The following SDHC variants were observed in gnomAD, a reference collection of about 807,000 sequenced individuals.
SDHC encodes the protein succinate dehydrogenase cytochrome b560 subunit, mitochondrial.
Under a neutral mutation model 22.6 loss-of-function variants are expected in SDHC, and 11 were observed. That is an observed-to-expected ratio of 0.49 (90% CI 0.31 to 0.81). The LOEUF (loss-of-function observed/expected upper bound fraction) is 0.81, where lower values mean the gene tolerates loss of function less well. SDHC is among the 30% of genes least tolerant of loss of function. The pLI is 0.05. For missense variants in SDHC, 160 were observed against 212.0 expected, an observed-to-expected ratio of 0.75 and a Z score of 1.52; for synonymous variants, 80 against 77.8, an observed-to-expected ratio of 1.03 and a Z score of -0.15.
intron 4 of SDHC, among the ~76,000 whole-genome samples, chr1:161,355,149 A>G (rs1672227378): frequency 6.6e-6 from 1 of 152,218 alleles, no homozygotes; most frequent in East Asian, 1.9e-4. Context: ...TCTTTCACAT[A>G]GGGAAATAAT....
intron 4 of SDHC, among the ~76,000 whole-genome samples, chr1:161,340,947 G>A (rs1001951071): frequency 2.0e-5 from 3 of 152,090 alleles, no homozygotes; most frequent in Admixed American, 6.5e-5. Context: ...GGGTTCCAGC[G>A]ATTCTCCTGC....
chr1:161,345,558 G>A (rs138282430), intron 4 of SDHC, among the ~76,000 whole-genome samples: 3,001 of 152,032 alleles, frequency 0.02, 77 homozygotes, highest in African/African-American at 0.065. Flanking sequence ...CCGGGTTCAC[G>A]CCATTCTCCT....
At position 161,363,116 on chromosome 1, in the gene SDHC, C is replaced by G. The variant is rs1368860425; in HGVS notation, c.*683C>G. 1.3e-5 allele frequency: 3 copies of G among 234,660 alleles called. No homozygotes were observed. The highest frequency in any genetic ancestry group is 2.5e-5 in the Non-Finnish European group (3 of 119,014). 14.5% of individuals were successfully genotyped at this position (234,660 alleles called of 1,614,324 possible). ...CTTTTTCTTGGATTTCCAGAAAAGC[C>G]TCTTAATTTTATGCTTTCTCATCGA... On this transcript the variant is annotated 3_prime_UTR_variant, in exon 6 of 6. Coordinates refer to ENST00000367975, the MANE Select transcript of SDHC (RefSeq NM_003001.5).
chr1:161,356,371 T>A (rs1672271727), intron 4 of SDHC, among the ~76,000 whole-genome samples: 1 of 152,108 alleles, frequency 6.6e-6, no homozygotes, highest in Non-Finnish European at 1.5e-5. Flanking sequence ...AAACCCTGTC[T>A]CTACTAAAAA....
At chr1:161,339,292 C>G (rs1671616425) in intron 3 of SDHC, among the ~76,000 whole-genome samples, 1 of 152,104 alleles carries the variant, frequency 6.6e-6, no homozygotes, top group Non-Finnish European at 1.5e-5. Context: ...AAGCGACCCT[C>G]TCACTTCAGT....
intron 1 of SDHC, among the ~76,000 whole-genome samples, chr1:161,315,500 C>T (rs1426040378): frequency 2.6e-5 from 4 of 152,142 alleles, no homozygotes; most frequent in Non-Finnish European, 4.4e-5. Context: ...GATGGTTTGA[C>T]CATAATTGAA....
chr1:161,352,727 G>A (rs1571884750), intron 4 of SDHC, among the ~76,000 whole-genome samples: 1 of 152,164 alleles, frequency 6.6e-6, no homozygotes. Context: ...AGTGGCCGAG[G>A]TGGGTGGGAG....
intron 4 of SDHC, among the ~76,000 whole-genome samples, chr1:161,351,184 T>C (rs1672085813): frequency 6.6e-6 from 1 of 152,218 alleles, no homozygotes; most frequent in African/African-American, 2.4e-5. Context: ...AGTTCCTCCA[T>C]TTGCTCTAAT....
intron 4 of SDHC, among the ~76,000 whole-genome samples, chr1:161,343,128 C>T (rs527574064): frequency 6.6e-6 from 1 of 152,260 alleles, no homozygotes; most frequent in South Asian, 2.1e-4. Flanking sequence ...AAGGGAGTTT[C>T]TATTGACTTT....
rs4622080 is a variant in SDHC at position 161,323,425 on chromosome 1, A to G, written c.21-189A>G. Among the ~76,000 whole-genome samples the G allele has an allele frequency of 0.12, 17,837 of 152,112 alleles. 1,415 individuals are homozygous for G. The highest frequency in any genetic ancestry group is 0.22 in the African/African-American group (8,968 of 41,484). On this transcript the variant is annotated intron_variant, in intron 1 of 5. Transcript: ENST00000367975. Reference sequence around the variant, plus strand: ...ACTCTATTTTGCATTTTTAGGTAATATTTCTTATTATTTTCAAGTTACTTG... The same window carrying G: ...ACTCTATTTTGCATTTTTAGGTAATGTTTCTTATTATTTTCAAGTTACTTG...
intron 4 of SDHC, among the ~76,000 whole-genome samples, chr1:161,342,667 C>T (rs1671763308): frequency 6.6e-6 from 1 of 152,144 alleles, no homozygotes; most frequent in Non-Finnish European, 1.5e-5. Flanking sequence ...CAGGCGCCCA[C>T]CACCATTCCC....
chr1:161,330,151 C>T (rs1671222057), intron 3 of SDHC, among the ~76,000 whole-genome samples: 1 of 152,174 alleles, frequency 6.6e-6, no homozygotes. Context: ...TTATGTCTGT[C>T]CCATGACAAA....
intron 4 of SDHC, among the ~76,000 whole-genome samples, chr1:161,351,938 A>G (rs1219341825): frequency 2.0e-5 from 3 of 152,218 alleles, no homozygotes; most frequent in Non-Finnish European, 2.9e-5. Flanking sequence ...GACTTCTGGA[A>G]GTGACAATAG....
chr1:161,343,033 G>GAGC (rs1671774643), intron 4 of SDHC, among the ~76,000 whole-genome samples: 1 of 152,336 alleles, frequency 6.6e-6, no homozygotes, highest in South Asian at 2.1e-4. Flanking sequence ...GTACAGAGTA[G>GAGC]AGCAGATGGC....
chr1:161,348,497 A>G (rs2102352974), intron 4 of SDHC, among the ~76,000 whole-genome samples: 1 of 151,044 alleles, frequency 6.6e-6, no homozygotes, highest in African/African-American at 2.4e-5. Context: ...GACTAATAGC[A>G]CTCTTATATT....
chr1:161,328,064 C>T (rs1424868071), intron 2 of SDHC, among the ~76,000 whole-genome samples: 19 of 146,630 alleles, frequency 1.3e-4, no homozygotes, highest in Admixed American at 8.9e-4. Flanking sequence ...AGTGCGATGG[C>T]GCAATCTTGG....
chr1:161,345,116 C>T (rs889669337), intron 4 of SDHC, among the ~76,000 whole-genome samples: 2 of 152,214 alleles, frequency 1.3e-5, no homozygotes, highest in Non-Finnish European at 2.9e-5. Context: ...TGGCTCTTCC[C>T]TAACTCATTC....
At chr1:161,336,325 C>A (rs144896745) in intron 3 of SDHC, among the ~76,000 whole-genome samples, 1 of 151,848 alleles carries the variant, frequency 6.6e-6, no homozygotes, top group Admixed American at 6.6e-5. Context: ...CGTGGTGGCA[C>A]GTGCTTGTAG....
chr1:161,339,201 G>A (rs528413585), intron 3 of SDHC, among the ~76,000 whole-genome samples: 1 of 152,044 alleles, frequency 6.6e-6, no homozygotes, highest in African/African-American at 2.4e-5. Context: ...TAGAGGCATG[G>A]TCTCTGTCTC....
Sources: allele counts gnomAD v4.1 joint callset (sites outside exome capture counted in the v4.1 genomes callset), GRCh38; gene constraint gnomAD v4.1.1; transcripts MANE v1.5; gene names NCBI Gene and HGNC (gene_info 2026-07-23, HGNC 2026-07-21).